Variants in IL1RAPL2 observed in about 807,000 individuals in gnomAD.
IL1RAPL2 encodes the protein X-linked interleukin-1 receptor accessory protein-like 2.
Under a neutral mutation model 44.1 loss-of-function variants are expected in IL1RAPL2, and 3 were observed. The observed-to-expected ratio is 0.07, with a 90% CI of 0.03 to 0.18. The LOEUF (loss-of-function observed/expected upper bound fraction) is 0.18, where lower values mean the gene tolerates loss of function less well. Ranked by LOEUF, IL1RAPL2 falls within the 10% of genes least tolerant of loss-of-function variation. The pLI, the probability that IL1RAPL2 is intolerant of heterozygous loss-of-function variation, is 1.00. For synonymous variants in IL1RAPL2, 181 were observed against 178.8 expected (o/e 1.01, Z -0.10); for missense variants, 391 against 496.4 (o/e 0.79, Z 2.02).
chrX:105,507,807 T>G (rs947761029), intron 6 of IL1RAPL2, among the ~76,000 whole-genome samples: 2 of 112,019 alleles, frequency 1.8e-5, no homozygotes, highest in African/African-American at 6.5e-5. Flanking sequence ...GAGGAATGGT[T>G]TATATCCAGA....
chrX:104,734,805 A>G (rs966055711), intron 2 of IL1RAPL2, among the ~76,000 whole-genome samples: 3 of 112,000 alleles, frequency 2.7e-5, no homozygotes, highest in African/African-American at 9.7e-5. Context: ...ATAAAATTTA[A>G]AAATTTAAAA....
intron 2 of IL1RAPL2, among the ~76,000 whole-genome samples, chrX:104,698,023 A>G (rs981806952): frequency 8.9e-6 from 1 of 112,078 alleles, no homozygotes; most frequent in African/African-American, 3.2e-5. Flanking sequence ...GCTCACTTGC[A>G]TGATGGTTGG....
chrX:104,671,776 T>C lies in IL1RAPL2; in HGVS notation c.82+12781T>C, dbSNP rs1045596060. Among the ~76,000 whole-genome samples the C allele has an allele frequency of 2.7e-5, 3 of 111,861 alleles. No homozygotes were observed. In the Admixed American group the frequency reaches 2.9e-4, roughly 11 times the overall value. On this transcript the variant is annotated intron_variant, in intron 2 of 10. Transcript: ENST00000372582. ...GCAGTCTTTAGGAGCAGAACACATG[T>C]GATTGAAAGTCATTAAACAACCTTG...
At chrX:105,039,403 G>T (rs961357011) in intron 2 of IL1RAPL2, among the ~76,000 whole-genome samples, 5 of 111,855 alleles carry the variant, frequency 4.5e-5, no homozygotes, top group African/African-American at 1.6e-4. Context: ...CTCCAAGTCT[G>T]CACAAATGTA....
intron 1 of IL1RAPL2, among the ~76,000 whole-genome samples, chrX:104,641,488 C>T (rs762959826): frequency 1.8e-4 from 20 of 111,885 alleles, no homozygotes; most frequent in African/African-American, 6.5e-4. Flanking sequence ...GAGGGTGGGA[C>T]TGTCTTTAGT....
intron 1 of IL1RAPL2, among the ~76,000 whole-genome samples, chrX:104,601,109 T>C (rs920615524): frequency 8.9e-6 from 1 of 112,132 alleles, no homozygotes; most frequent in Non-Finnish European, 1.9e-5. Flanking sequence ...TTAGATATGA[T>C]ATGCAAACCA....
chrX:105,281,415 A>G (rs977343126), intron 5 of IL1RAPL2, among the ~76,000 whole-genome samples: 1 of 112,209 alleles, frequency 8.9e-6, no homozygotes, highest in Admixed American at 9.5e-5. Context: ...CAGAACTTAA[A>G]GTATAATCAT....
chrX:105,122,890 T>C (rs191157637), intron 2 of IL1RAPL2, among the ~76,000 whole-genome samples: 13 of 111,226 alleles, frequency 1.2e-4, no homozygotes, highest in African/African-American at 3.9e-4. Flanking sequence ...AAACCTGTTA[T>C]CTGTTCTGTA....
intron 8 of IL1RAPL2, among the ~76,000 whole-genome samples, chrX:105,741,995 T>TTGATCATG (rs1204672656): frequency 1.8e-5 from 2 of 111,442 alleles, no homozygotes; most frequent in African/African-American, 6.5e-5. Flanking sequence ...AGGGCAGGTA[T>TTGATCATG]TGATCATGCC....
intron 2 of IL1RAPL2, among the ~76,000 whole-genome samples, chrX:105,036,455 A>T (rs1424085383): frequency 3.6e-5 from 4 of 112,173 alleles, no homozygotes; most frequent in Non-Finnish European, 3.8e-5. Context: ...CTCTTACAAC[A>T]TACACAGACA....
chrX:105,377,219 T>G (rs112420948), intron 5 of IL1RAPL2, among the ~76,000 whole-genome samples: 6,871 of 111,603 alleles, frequency 0.062, 501 homozygotes, highest in African/African-American at 0.21. Context: ...TCGTAATGTG[T>G]TTTAGAGATT....
At position 105,223,685 on chromosome X, in the gene IL1RAPL2, G is replaced by A. The variant is rs145646777; in HGVS notation, c.357-10133G>A. ...TGCAGACAAAACATGATTAGGGCTT[G>A]AACTGTGGCAGGACCTCGATGAGAT... On this transcript the variant is annotated intron_variant, in intron 3 of 10. Transcript: ENST00000372582. Among the ~76,000 whole-genome samples, 159 of 111,911 alleles carry A rather than the reference G, an allele frequency of 1.4e-3. 1 individual carries two copies. Among genetic ancestry groups the A allele is most frequent in the Non-Finnish European group, 2.3e-3 (120 of 53,227 alleles).
chrX:105,545,750 G>A (rs749976298), intron 6 of IL1RAPL2, among the ~76,000 whole-genome samples: 3 of 111,293 alleles, frequency 2.7e-5, no homozygotes, highest in South Asian at 3.8e-4. Context: ...TTCAGTGATT[G>A]GCTTATGATA....
At chrX:105,019,867 G>A (rs763437815) in intron 2 of IL1RAPL2, among the ~76,000 whole-genome samples, 1 of 111,280 alleles carries the variant, frequency 9.0e-6, no homozygotes, top group South Asian at 3.7e-4. Context: ...CTGAATATAG[G>A]AATCATAAGA....
chrX:105,123,295 C>T (rs2032943695), intron 2 of IL1RAPL2, among the ~76,000 whole-genome samples: 1 of 111,005 alleles, frequency 9.0e-6, no homozygotes, highest in Admixed American at 9.6e-5. Context: ...CTGCAATATT[C>T]TTTAAATATA....
intron 2 of IL1RAPL2, among the ~76,000 whole-genome samples, chrX:105,071,821 C>A (rs1234945986): frequency 8.9e-6 from 1 of 111,794 alleles, no homozygotes; most frequent in African/African-American, 3.2e-5. Context: ...TATCCACATG[C>A]AGAAGAGTGA....
chrX:104,758,107 T>G (rs749242734), intron 2 of IL1RAPL2, among the ~76,000 whole-genome samples: 2 of 111,601 alleles, frequency 1.8e-5, no homozygotes, highest in African/African-American at 6.5e-5. Flanking sequence ...CAGAATAGAT[T>G]GGGACCCTTG....
At chrX:104,611,391 G>A in intron 1 of IL1RAPL2, among the ~76,000 whole-genome samples, 1 of 110,918 alleles carries the variant, frequency 9.0e-6, no homozygotes, top group East Asian at 2.9e-4. Flanking sequence ...TGGCCTTGCT[G>A]AGCTGTGGTG....
chrX:104,917,147 C>G (rs1924473869), intron 2 of IL1RAPL2, among the ~76,000 whole-genome samples: 1 of 111,628 alleles, frequency 9.0e-6, no homozygotes, highest in Non-Finnish European at 1.9e-5. Context: ...AGGAATGGTA[C>G]CAGCTCCTCT....
Sources: gnomAD v4.1 joint callset for allele counts (sites outside exome capture counted in the v4.1 genomes callset) on GRCh38, gnomAD v4.1.1 for gene constraint, MANE v1.5 for transcripts, NCBI Gene and HGNC (gene_info 2026-07-23, HGNC 2026-07-21) for gene names.